Variants in SDK1 observed in about 807,000 individuals in gnomAD.
The protein encoded by SDK1 is protein sidekick-1.
In SDK1, 157 loss-of-function variants were observed where a neutral mutation model predicts 245.5. That is an observed-to-expected ratio of 0.64 (90% CI 0.56 to 0.73). The LOEUF (loss-of-function observed/expected upper bound fraction) is 0.73, where lower values mean the gene tolerates loss of function less well. Among genes scored for constraint, SDK1 ranks in the 30% least tolerant of loss-of-function variants. SDK1 has a pLI of 0.00. For synonymous variants in SDK1, 1,647 were observed against 1,278.5 expected (o/e 1.29, Z -6.15); for missense variants, 3,583 against 3,002.3 (o/e 1.19, Z -4.52).
chr7:3,369,505 A>C (rs769577335), intron 1 of SDK1, among the ~76,000 whole-genome samples: 2 of 152,198 alleles, frequency 1.3e-5, no homozygotes, highest in Non-Finnish European at 2.9e-5. Flanking sequence ...CAACTCTTAC[A>C]TACAGAGTGT....
At chr7:3,777,368 G>T (rs1182226533) in intron 4 of SDK1, among the ~76,000 whole-genome samples, 1 of 152,144 alleles carries the variant, frequency 6.6e-6, no homozygotes, top group African/African-American at 2.4e-5. Context: ...AGACTTTATG[G>T]CTATCAAAGT....
At chr7:3,761,260 C>CGTT (rs1780089957) in intron 4 of SDK1, among the ~76,000 whole-genome samples, 1 of 93,762 alleles carries the variant, frequency 1.1e-5, no homozygotes, top group African/African-American at 4.2e-5. Flanking sequence ...GCCCCCCCTC[C>CGTT]TTTTTTTTTT....
Position 3,805,908 on chromosome 7 carries a change from C to G in SDK1, c.714-15542C>G, listed in dbSNP as rs549702561. On this transcript the variant is annotated intron_variant, in intron 4 of 44. Coordinates refer to ENST00000404826, the MANE Select transcript of SDK1 (RefSeq NM_152744.4). ...CTCCTTCCAAGTCACCTCCTTGTAG[C>G]TGGCCTGGCTCCTTTGCCCCCTCTT... 5.3e-4 allele frequency among the ~76,000 whole-genome samples: 80 copies of G among 152,282 alleles called. No homozygotes were observed. In the South Asian group the frequency reaches 0.017, roughly 32 times the overall value.
chr7:4,078,031 C>G (rs73671518), intron 21 of SDK1, among the ~76,000 whole-genome samples: 1 of 152,194 alleles, frequency 6.6e-6, no homozygotes, highest in Non-Finnish European at 1.5e-5. Flanking sequence ...AATGGGTTAG[C>G]TGACCTCCGG....
intron 38 of SDK1, among the ~76,000 whole-genome samples, chr7:4,216,646 G>A (rs1212460877): frequency 3.9e-5 from 6 of 152,192 alleles, no homozygotes; most frequent in Non-Finnish European, 8.8e-5. Context: ...TTAAAATATG[G>A]TAAAGATAGT....
At chr7:3,936,911 G>C (rs755831815) in intron 5 of SDK1, among the ~76,000 whole-genome samples, 2 of 152,104 alleles carry the variant, frequency 1.3e-5, no homozygotes, top group African/African-American at 2.4e-5. Context: ...ACTCAGGTCC[G>C]AGGAGGGCAG....
intron 5 of SDK1, among the ~76,000 whole-genome samples, chr7:3,856,049 A>G (rs1583481313): frequency 6.6e-6 from 1 of 152,226 alleles, no homozygotes; most frequent in African/African-American, 2.4e-5. Flanking sequence ...ATACAGAACT[A>G]ACATTCCAAG....
In SDK1 at chr7:4,139,588, TG is replaced by T. The variant is rs1178221484; in HGVS notation, c.4229-6133del. On this transcript the variant is annotated intron_variant, in intron 28 of 44. Coordinates refer to ENST00000404826, the MANE Select transcript of SDK1 (RefSeq NM_152744.4). ...GTGTGTATATGTGTGTGTGTATGTG[TG>T]TGTATATGTATATATGTGTGTGTAT... Among the ~76,000 whole-genome samples, 30 of 84,982 alleles carry T rather than the reference TG, an allele frequency of 3.5e-4. 10 individuals carry two copies. The highest frequency in any genetic ancestry group is 5.5e-3 in the Middle Eastern group (1 of 182). 55.8% of individuals were successfully genotyped at this position (84,982 alleles called of 152,430 possible).
chr7:3,888,309 T>C (rs1781382788), intron 5 of SDK1, among the ~76,000 whole-genome samples: 1 of 152,194 alleles, frequency 6.6e-6, no homozygotes, highest in African/African-American at 2.4e-5. Flanking sequence ...CATCATATTG[T>C]CCCATCCCAC....
intron 1 of SDK1, among the ~76,000 whole-genome samples, chr7:3,542,078 T>C (rs1016067894): frequency 3.3e-5 from 5 of 152,210 alleles, no homozygotes; most frequent in Non-Finnish European, 7.3e-5. Context: ...CACAATTATA[T>C]TTTAACGTAT....
chr7:4,125,995 A>C (rs911905848), intron 25 of SDK1, among the ~76,000 whole-genome samples: 1 of 152,194 alleles, frequency 6.6e-6, no homozygotes, highest in Non-Finnish European at 1.5e-5. Context: ...CACCTGATTC[A>C]AAAGGAGACT....
intron 5 of SDK1, among the ~76,000 whole-genome samples, chr7:3,865,967 C>T (rs899984068): frequency 2.0e-5 from 3 of 152,168 alleles, no homozygotes; most frequent in Admixed American, 1.3e-4. Context: ...GAGAGAGCAG[C>T]AGCGGACCTG....
chr7:4,059,157 AC>A (rs752847322), intron 19 of SDK1, among the ~76,000 whole-genome samples: 2 of 152,188 alleles, frequency 1.3e-5, no homozygotes, highest in Non-Finnish European at 2.9e-5. Context: ...AAAAACAAAA[AC>A]AAAAACAAAA....
intron 1 of SDK1, among the ~76,000 whole-genome samples, chr7:3,440,406 G>A (rs1483913097): frequency 6.6e-6 from 1 of 152,084 alleles, no homozygotes; most frequent in African/African-American, 2.4e-5. Flanking sequence ...GCGAAGGTTC[G>A]GAGTTAAACA....
At chr7:3,811,502 A>G (rs999560614) in intron 4 of SDK1, among the ~76,000 whole-genome samples, 4 of 152,154 alleles carry the variant, frequency 2.6e-5, no homozygotes, top group Admixed American at 2.6e-4. Context: ...TGGTTGGGAG[A>G]AGATGCAAGA....
chr7:4,062,407 C>G (rs1014236452), intron 19 of SDK1, among the ~76,000 whole-genome samples: 3 of 152,040 alleles, frequency 2.0e-5, no homozygotes, highest in African/African-American at 7.2e-5. Context: ...AAGATTGAAT[C>G]AGAAAGAAAC....
At chr7:3,545,553 A>G (rs1779195121) in intron 1 of SDK1, among the ~76,000 whole-genome samples, 1 of 152,220 alleles carries the variant, frequency 6.6e-6, no homozygotes, top group Admixed American at 6.5e-5. Context: ...GAATGTTTCC[A>G]GGACAAGGAG....
intron 5 of SDK1, among the ~76,000 whole-genome samples, chr7:3,849,903 T>A (rs1303334856): frequency 1.3e-5 from 2 of 152,252 alleles, no homozygotes; most frequent in Non-Finnish European, 2.9e-5. Context: ...GTGCTTGGCC[T>A]CACAATAAAA....
chr7:3,735,921 C>A (rs1387009368), intron 4 of SDK1, among the ~76,000 whole-genome samples: 3 of 152,132 alleles, frequency 2.0e-5, no homozygotes, highest in Admixed American at 6.5e-5. Flanking sequence ...GTTTTAATTC[C>A]ATTTTCCTGA....
Sources: allele counts gnomAD v4.1 joint callset (sites outside exome capture counted in the v4.1 genomes callset), GRCh38; gene constraint gnomAD v4.1.1; transcripts MANE v1.5; gene names NCBI Gene and HGNC (gene_info 2026-07-23, HGNC 2026-07-21).